The following CDKAL1 variants were observed in gnomAD, a reference collection of about 807,000 sequenced individuals.
The protein encoded by CDKAL1 is threonylcarbamoyladenosine tRNA methylthiotransferase.
Under a neutral mutation model 68.2 loss-of-function variants are expected in CDKAL1, and 32 were observed. The ratio of observed to expected loss-of-function variants is 0.47; its 90% CI spans 0.35 to 0.63. The LOEUF (loss-of-function observed/expected upper bound fraction) is 0.63, where lower values mean the gene tolerates loss of function less well. Ranked by LOEUF, CDKAL1 falls within the 30% of genes least tolerant of loss-of-function variation. The pLI is 0.00. For missense variants in CDKAL1, 606 were observed against 696.7 expected (o/e 0.87, Z 1.47); for synonymous variants, 234 against 244.3 (o/e 0.96, Z 0.39).
intron 4 of CDKAL1, among the ~76,000 whole-genome samples, chr6:20,616,535 T>G (rs1276911246): frequency 1.4e-5 from 2 of 143,830 alleles, no homozygotes; most frequent in African/African-American, 5.2e-5. Flanking sequence ...TTTATTCTCT[T>G]TGAAGCAATT....
intron 13 of CDKAL1, among the ~76,000 whole-genome samples, chr6:21,192,335 A>G (rs918016265): frequency 1.3e-5 from 2 of 152,046 alleles, no homozygotes; most frequent in Non-Finnish European, 2.9e-5. Flanking sequence ...TTCATTTTTC[A>G]TAAAATATCT....
intron 4 of CDKAL1, among the ~76,000 whole-genome samples, chr6:20,626,499 A>C (rs115717671): frequency 0.021 from 3,141 of 152,274 alleles, 102 homozygotes; most frequent in African/African-American, 0.07. Flanking sequence ...GGCTCCAGAA[A>C]TGTTAGTTAT....
Position 21,064,534 on chromosome 6 carries a change from A to G in CDKAL1, c.1056-514A>G, listed in dbSNP as rs369037339. On this transcript the variant is annotated intron_variant, in intron 11 of 15. Coordinates refer to ENST00000274695, the MANE Select transcript of CDKAL1 (RefSeq NM_017774.3). ...AGAACATTAAGCTAATTTTTTTAAAAAGAGAAGCAATTATTAACTCTAGGA... is the reference window on the plus strand; with the variant it reads ...AGAACATTAAGCTAATTTTTTTAAAGAGAGAAGCAATTATTAACTCTAGGA... Among the ~76,000 whole-genome samples, 6 of 152,350 alleles carry G rather than the reference A, an allele frequency of 3.9e-5. No homozygotes were observed. The East Asian group carries it at 1.2e-3, about 29-fold the overall frequency.
At chr6:21,167,030 T>A (rs1777182190) in intron 13 of CDKAL1, among the ~76,000 whole-genome samples, 1 of 152,228 alleles carries the variant, frequency 6.6e-6, no homozygotes, top group Non-Finnish European at 1.5e-5. Flanking sequence ...GTCCTAGAGA[T>A]AATGATACTT....
intron 8 of CDKAL1, among the ~76,000 whole-genome samples, chr6:20,786,318 G>A (rs1042037631): frequency 6.6e-6 from 1 of 152,108 alleles, no homozygotes; most frequent in East Asian, 1.9e-4. Context: ...TTTTGGATGG[G>A]CACAGCAGGA....
At chr6:21,111,931 A>G (rs1774137092) in intron 13 of CDKAL1, among the ~76,000 whole-genome samples, 1 of 152,206 alleles carries the variant, frequency 6.6e-6, no homozygotes, top group Non-Finnish European at 1.5e-5. Flanking sequence ...TTTATGCATT[A>G]TGTTGTTTCC....
chr6:21,102,971 A>G (rs902340561), intron 12 of CDKAL1, among the ~76,000 whole-genome samples: 3 of 152,180 alleles, frequency 2.0e-5, no homozygotes, highest in Non-Finnish European at 4.4e-5. Context: ...GCTTCTTACC[A>G]CGAAGTATGA....
intron 12 of CDKAL1, among the ~76,000 whole-genome samples, chr6:21,069,804 T>TTTAA (rs60342057): frequency 3.3e-4 from 28 of 85,506 alleles, no homozygotes; most frequent in East Asian, 1.6e-3. Context: ...TTTTTTTTTT[T>TTTAA]AAAACAGAGC....
intron 11 of CDKAL1, among the ~76,000 whole-genome samples, chr6:21,004,502 C>T (rs746497110): frequency 6.6e-6 from 1 of 152,106 alleles, no homozygotes; most frequent in Non-Finnish European, 1.5e-5. Flanking sequence ...AATCATATGA[C>T]TTAAATTATT....
chr6:20,867,508 TA>T (rs1740367966), intron 9 of CDKAL1, among the ~76,000 whole-genome samples: 4 of 150,698 alleles, frequency 2.7e-5, no homozygotes, highest in African/African-American at 7.5e-5. Flanking sequence ...TGAACTGCTT[TA>T]TAGTTGCAGC....
intron 8 of CDKAL1, among the ~76,000 whole-genome samples, 171 bp from the exon 9 acceptor site, chr6:20,845,904 T>G (rs1778358569): frequency 6.6e-6 from 1 of 152,224 alleles, no homozygotes; most frequent in Non-Finnish European, 1.5e-5. Flanking sequence ...TTGTGCCTGG[T>G]GGAGATAAAA....
Position 20,627,978 on chromosome 6 carries a change from T to TTTG in CDKAL1, c.287-21301_287-21299dup, listed in dbSNP as rs373973481. On this transcript the variant is annotated intron_variant, in intron 4 of 15. Transcript: ENST00000274695. Reference sequence around the variant, plus strand: ...AGAAGTCACTTTATTCTAGGAGTTTTTTGTTGTTGTTGTTGTAAATTCCTT... The same window carrying TTTG: ...AGAAGTCACTTTATTCTAGGAGTTTTTTGTTGTTGTTGTTGTTGTAAATTCCTT... Among the ~76,000 whole-genome samples the TTTG allele has an allele frequency of 7.3e-3, 1,112 of 152,278 alleles. 10 individuals are homozygous for TTTG. Among genetic ancestry groups the TTTG allele is most frequent in the Non-Finnish European group, 0.012 (815 of 67,998 alleles).
chr6:20,912,996 CA>C (rs201583965), intron 9 of CDKAL1, among the ~76,000 whole-genome samples: 49 of 139,894 alleles, frequency 3.5e-4, no homozygotes, highest in South Asian at 9.0e-4. Flanking sequence ...TATATAATGG[CA>C]AAAAAAAAAG....
chr6:20,952,261 C>T lies in CDKAL1; in HGVS notation c.743-3158C>T, dbSNP rs546008145. On this transcript the variant is annotated intron_variant, in intron 9 of 15. Transcript: ENST00000274695. ...GCATGAGCCACTGCGCCCGCCCCCT[C>T]TTTTTCATTTTCATGTGTTTATTTT... is the stretch of plus-strand genomic sequence containing the variant. 2.0e-5 allele frequency among the ~76,000 whole-genome samples: 3 copies of T among 152,184 alleles called. No homozygotes were observed. The South Asian group carries it at 6.2e-4, about 32-fold the overall frequency.
chr6:21,104,326 T>C (rs1773735822), intron 12 of CDKAL1, among the ~76,000 whole-genome samples: 1 of 152,150 alleles, frequency 6.6e-6, no homozygotes, highest in Middle Eastern at 3.2e-3. Flanking sequence ...GAACTGTCCA[T>C]TGAGCAAATA....
At chr6:21,218,485 G>A (rs563178686) in intron 15 of CDKAL1, among the ~76,000 whole-genome samples, 50 of 152,312 alleles carry the variant, frequency 3.3e-4, no homozygotes, top group African/African-American at 1.2e-3. Flanking sequence ...CTGCTCCTTC[G>A]GCTGCAGTCA....
chr6:21,141,548 A>C (rs1775909673), intron 13 of CDKAL1, among the ~76,000 whole-genome samples: 1 of 152,230 alleles, frequency 6.6e-6, no homozygotes, highest in African/African-American at 2.4e-5. Flanking sequence ...TTTTGAATGA[A>C]TGACTCAATC....
At chr6:21,188,375 C>G (rs1778100672) in intron 13 of CDKAL1, among the ~76,000 whole-genome samples, 1 of 152,190 alleles carries the variant, frequency 6.6e-6, no homozygotes, top group Non-Finnish European at 1.5e-5. Flanking sequence ...AAAATTGTAT[C>G]TATTTAAGAT....
At chr6:20,696,014 T>C (rs903817523) in intron 5 of CDKAL1, among the ~76,000 whole-genome samples, 46 of 152,220 alleles carry the variant, frequency 3.0e-4, no homozygotes, top group African/African-American at 1.1e-3. Flanking sequence ...GATTCCTTTA[T>C]ATCAGTCGCC....
Sources: gnomAD v4.1 joint callset for allele counts (sites outside exome capture counted in the v4.1 genomes callset) on GRCh38, gnomAD v4.1.1 for gene constraint, MANE v1.5 for transcripts, NCBI Gene and HGNC (gene_info 2026-07-23, HGNC 2026-07-21) for gene names.